Variants in NDC1 observed in about 807,000 individuals in gnomAD.
The protein encoded by NDC1 is NDC1 transmembrane nucleoporin.
A neutral mutation model predicts 89.8 loss-of-function variants in NDC1; 24 were observed. The observed-to-expected ratio is 0.27, with a 90% CI of 0.19 to 0.38. The LOEUF (loss-of-function observed/expected upper bound fraction) is 0.38. Ranked by LOEUF, NDC1 falls within the 10% of genes least tolerant of loss-of-function variation. NDC1 has a pLI of 1.00. For synonymous variants in NDC1, 296 were observed against 284.8 expected (o/e 1.04, Z -0.39); for missense variants, 728 against 797.6 (o/e 0.91, Z 1.05).
intron 11 of NDC1, among the ~76,000 whole-genome samples, chr1:53,800,468 A>G (rs1321697349): frequency 6.6e-6 from 1 of 151,084 alleles, no homozygotes; most frequent in East Asian, 2.0e-4. Context: ...CTGGGACTAC[A>G]GGTGCACGCC....
At chr1:53,827,795 A>G (rs971553495) in intron 4 of NDC1, among the ~76,000 whole-genome samples, 6 of 152,202 alleles carry the variant, frequency 3.9e-5, no homozygotes, top group African/African-American at 1.4e-4. Flanking sequence ...TCACTCTCAT[A>G]AATCGCATAG....
chr1:53,809,638 C>A, intron 7 of NDC1, 57 bp downstream of exon 7: 5 of 1,267,802 alleles, frequency 3.9e-6, no homozygotes, highest in East Asian at 2.3e-5. Context: ...TGGAAAATAG[C>A]AAACATCTAA....
At chr1:53,829,827 C>A (rs1193274738) in intron 3 of NDC1, among the ~76,000 whole-genome samples, 1 of 152,154 alleles carries the variant, frequency 6.6e-6, no homozygotes, top group African/African-American at 2.4e-5. Flanking sequence ...ATAGGGCTTG[C>A]ATGGAAAAAG....
intron 2 of NDC1, among the ~76,000 whole-genome samples, chr1:53,834,555 C>T (rs998513803): frequency 1.3e-5 from 2 of 152,274 alleles, no homozygotes; most frequent in East Asian, 3.9e-4. Context: ...CTTTACAAGG[C>T]AAAAGAAAGA....
intron 1 of NDC1, 39 bp from the exon 2 acceptor site, chr1:53,835,659 T>A (rs762972602): frequency 6.4e-7 from 1 of 1,571,124 alleles, no homozygotes; most frequent in Admixed American, 2.0e-5. Flanking sequence ...ATGAAGTCAG[T>A]TAAATTATTT....
At chr1:53,811,445 G>A (rs1470279184) in intron 6 of NDC1, among the ~76,000 whole-genome samples, 1 of 152,086 alleles carries the variant, frequency 6.6e-6, no homozygotes, top group African/African-American at 2.4e-5. Flanking sequence ...GTGGGAGTGA[G>A]ACTGGCCCTT....
intron 16 of NDC1, among the ~76,000 whole-genome samples, chr1:53,786,186 A>G (rs1647301073): frequency 6.6e-6 from 1 of 152,094 alleles, no homozygotes; most frequent in Admixed American, 6.6e-5. Flanking sequence ...TCAGCCTCCC[A>G]AAGTGTTGGG....
At chr1:53,808,314 A>G (rs921393468) in intron 7 of NDC1, among the ~76,000 whole-genome samples, 6 of 152,216 alleles carry the variant, frequency 3.9e-5, no homozygotes, top group Admixed American at 2.6e-4. Flanking sequence ...CTTTGACTAG[A>G]TCAATTAGCA....
rs370425750 is a variant in NDC1, at chr1:53,795,605, A to G, written c.1584+1084T>C. Among the ~76,000 whole-genome samples the G allele has an allele frequency of 2.0e-5, 3 of 152,266 alleles. No individual in the cohort carries two copies. In the South Asian group the frequency reaches 6.2e-4, roughly 32 times the overall value. On this transcript the variant is annotated intron_variant, in intron 13 of 17. Transcript: ENST00000371429. ...TGAACACTGACTCTTTCTAGTATAC[A>G]CCACAACCAAACCATAAGCTAATCC...
rs763209170 is a variant in NDC1 at position 53,825,911 on chromosome 1, A to T, written c.481T>A (p.Cys161Ser). ...NSFGSPAAQT[C>S]LNEYHLFFLL... Reference sequence around the variant, plus strand: ...AAAAAAAGATGATATTCATTTAAGCAGGTTTGCGCAGCAGGGCTACCAAAG... The same window carrying T: ...AAAAAAAGATGATATTCATTTAAGCTGGTTTGCGCAGCAGGGCTACCAAAG... Residue 161 changes from cysteine (C) to serine (S), a missense_variant, in exon 5 of 18, where the codon TGC becomes AGC. Cys to Ser is a moderately radical substitution (Grantham distance 112). Transcript: ENST00000371429. 1.2e-6 allele frequency: 2 copies of T among 1,612,042 alleles called. No individual in the cohort carries two copies. Among genetic ancestry groups the T allele is most frequent in the South Asian group, 2.2e-5 (2 of 90,350 alleles).
Position 53,825,412 on chromosome 1 carries a change from G to A in NDC1, c.594+386C>T, listed in dbSNP as rs193088623. ...GGAGGTTGCAGTGAGCCGAGATTGC[G>A]CCATTGCACTCCAGCCTGGGCAAAG... On this transcript the variant is annotated intron_variant, in intron 5 of 17. Coordinates refer to ENST00000371429, the MANE Select transcript of NDC1 (RefSeq NM_018087.5). 4.8e-3 allele frequency among the ~76,000 whole-genome samples: 700 copies of A among 144,780 alleles called. 2 individuals are homozygous for A. The highest frequency in any genetic ancestry group is 0.011 in the Middle Eastern group (3 of 276). 95.0% of individuals were successfully genotyped at this position (144,780 alleles called of 152,430 possible).
At chr1:53,769,815 T>C (rs927454817) in intron 17 of NDC1, among the ~76,000 whole-genome samples, 6 of 152,168 alleles carry the variant, frequency 3.9e-5, no homozygotes, top group Non-Finnish European at 8.8e-5. Flanking sequence ...GGACAAAAAC[T>C]GTATCAGAAA....
Position 53,825,832 on chromosome 1 carries a change from T to C in NDC1, c.560A>G (p.Asn187Ser). ...GYSYSLLYFVNNMNYLPFPII... is the reference protein window; with the variant it reads ...GYSYSLLYFVSNMNYLPFPII... ...GGGAAATGGAAGATAGTTCATGTTG[T>C]TAACAAAATACAGGAGGCTATAGCT... Residue 187 changes from asparagine (N) to serine (S), a missense_variant, in exon 5 of 18, where the codon AAC becomes AGC. Asn to Ser is a conservative substitution (Grantham distance 46). Transcript: ENST00000371429. 2 of 1,600,200 alleles carry C rather than the reference T, an allele frequency of 1.2e-6. No individual in the cohort carries two copies. The highest frequency in any genetic ancestry group is 1.7e-6 in the Non-Finnish European group (2 of 1,176,064).
intron 10 of NDC1, among the ~76,000 whole-genome samples, chr1:53,801,236 T>C (rs1255031493): frequency 6.6e-6 from 1 of 152,074 alleles, no homozygotes; most frequent in African/African-American, 2.4e-5. Flanking sequence ...ACTAAGACAA[T>C]GAACACTACG....
At chr1:53,791,115 CGTAA>C (rs944800376) in intron 14 of NDC1, among the ~76,000 whole-genome samples, 3 of 152,136 alleles carry the variant, frequency 2.0e-5, no homozygotes, top group African/African-American at 4.8e-5. Flanking sequence ...AGCTTCTATA[CGTAA>C]GTAAGAACGT....
chr1:53,776,490 T>C (rs149353461), intron 16 of NDC1, among the ~76,000 whole-genome samples: 1 of 152,354 alleles, frequency 6.6e-6, no homozygotes, highest in Non-Finnish European at 1.5e-5. Flanking sequence ...GATAAAATGA[T>C]ACTACCTTAA....
chr1:53,800,952 A>G, intron 10 of NDC1, 104 bp from the exon 11 acceptor site: 1 of 1,073,830 alleles, frequency 9.3e-7, no homozygotes, highest in South Asian at 1.7e-5. Flanking sequence ...GCTTGGCATC[A>G]GGACCCACTT....
At chr1:53,795,400 T>C (rs1647664484) in intron 13 of NDC1, among the ~76,000 whole-genome samples, 1 of 152,314 alleles carries the variant, frequency 6.6e-6, no homozygotes, top group African/African-American at 2.4e-5. Context: ...CCTAATTTCT[T>C]ACTAAGTATT....
intron 14 of NDC1, among the ~76,000 whole-genome samples, chr1:53,792,109 AT>A (rs201879329): frequency 0.013 from 2,038 of 151,990 alleles, 43 homozygotes; most frequent in African/African-American, 0.047. Flanking sequence ...CGCCTGGCTA[AT>A]TTTTTGTATT....
Sources: allele counts gnomAD v4.1 joint callset (sites outside exome capture counted in the v4.1 genomes callset), GRCh38; gene constraint gnomAD v4.1.1; transcripts MANE v1.5; gene names NCBI Gene and HGNC (gene_info 2026-07-23, HGNC 2026-07-21).